SERPINB5: variants seen among roughly 807,000 people sequenced by gnomAD.
SERPINB5 encodes serpin family B member 5.
Under a neutral mutation model 32.2 loss-of-function variants are expected in SERPINB5, and 27 were observed. The observed-to-expected ratio is 0.84, with a 90% CI of 0.62 to 1.16. The LOEUF is 1.16. Ranked by LOEUF, SERPINB5 falls within the 50% of genes most tolerant of loss-of-function variation. The pLI is 0.00. For synonymous variants in SERPINB5, 154 were observed against 157.4 expected, an observed-to-expected ratio of 0.98 and a Z score of 0.16; for missense variants, 388 against 436.3, an observed-to-expected ratio of 0.89 and a Z score of 0.99.
intron 1 of SERPINB5, among the ~76,000 whole-genome samples, chr18:63,477,497 T>C (rs1010196913): frequency 1.3e-5 from 2 of 152,156 alleles, no homozygotes; most frequent in African/African-American, 4.8e-5. Flanking sequence ...GGCTGGCTCT[T>C]CTCCCTGGCT....
At chr18:63,489,071 A>T (rs1917258310) in intron 3 of SERPINB5, among the ~76,000 whole-genome samples, 2 of 152,240 alleles carry the variant, frequency 1.3e-5, no homozygotes, top group Non-Finnish European at 2.9e-5. Flanking sequence ...ACAACCCATA[A>T]GAGAATTGGG....
At chr18:63,491,482 A>AT (rs113151376) in intron 4 of SERPINB5, among the ~76,000 whole-genome samples, 31,220 of 139,452 alleles carry the variant, frequency 0.22, 6,666 homozygotes, top group African/African-American at 0.56. Context: ...TCTTTCTTTC[A>AT]TTTTTTTTTT....
intron 1 of SERPINB5, among the ~76,000 whole-genome samples, chr18:63,480,999 G>A (rs147187206): frequency 2.0e-5 from 3 of 152,300 alleles, no homozygotes; most frequent in Non-Finnish European, 4.4e-5. Flanking sequence ...ATGCACTGAG[G>A]ATTAGCATGC....
At chr18:63,494,745 C>T (rs1909414031) in intron 5 of SERPINB5, among the ~76,000 whole-genome samples, 1 of 152,174 alleles carries the variant, frequency 6.6e-6, no homozygotes, top group Admixed American at 6.5e-5. Flanking sequence ...TATTCATACT[C>T]TCCCCTGTCC....
intron 5 of SERPINB5, 187 bp downstream of exon 5, chr18:63,493,282 C>T (rs1280088319): frequency 7.1e-6 from 5 of 699,748 alleles, no homozygotes; most frequent in Middle Eastern, 3.6e-4. Context: ...GGCCCCCCCT[C>T]CTCTTTTCCA....
At chr18:63,495,632 A>C (rs757629439) in intron 5 of SERPINB5, among the ~76,000 whole-genome samples, 1 of 152,234 alleles carries the variant, frequency 6.6e-6, no homozygotes, top group Non-Finnish European at 1.5e-5. Flanking sequence ...TAAGGGTCGT[A>C]CTTTTTTCAT....
intron 4 of SERPINB5, 68 bp from the exon 5 acceptor site, chr18:63,492,884 TG>T (rs1321935757): frequency 6.4e-7 from 1 of 1,552,870 alleles, no homozygotes; most frequent in Non-Finnish European, 8.7e-7. Flanking sequence ...TCAGTGAATA[TG>T]CATGTGAATT....
intron 6 of SERPINB5, among the ~76,000 whole-genome samples, chr18:63,502,308 T>G (rs1316300612): frequency 1.3e-5 from 2 of 152,050 alleles, no homozygotes; most frequent in Non-Finnish European, 2.9e-5. Context: ...GCTAATTTTT[T>G]GTATTTTTAG....
intron 4 of SERPINB5, 133 bp from the exon 5 acceptor site, chr18:63,492,820 G>A: frequency 1.8e-6 from 2 of 1,103,344 alleles, no homozygotes; most frequent in Non-Finnish European, 1.3e-6. Flanking sequence ...TCTGAAATTT[G>A]ATGGTTGGAA....
In SERPINB5 at chr18:63,499,749, T is replaced by TA. The variant is rs1431309397; in HGVS notation, c.735+463dup. On this transcript the variant is annotated intron_variant, in intron 6 of 6. Transcript: ENST00000382771. ...CTAGGCAGTTAAGGCACTACGTTGC[T>TA]ACGCACTGCCAGGTCCACTATCATG... Among the ~76,000 whole-genome samples, 3 of 152,180 alleles carry TA rather than the reference T, an allele frequency of 2.0e-5. No homozygotes were observed. In the East Asian group the frequency reaches 5.8e-4, roughly 29 times the overall value.
At chr18:63,483,067 G>A (rs1917150931) in intron 1 of SERPINB5, among the ~76,000 whole-genome samples, 2 of 152,118 alleles carry the variant, frequency 1.3e-5, no homozygotes, top group Admixed American at 6.5e-5. Context: ...CCTCCTGAAA[G>A]GGTGTTAGGG....
intron 5 of SERPINB5, among the ~76,000 whole-genome samples, chr18:63,494,955 A>G (rs1328045849): frequency 1.3e-5 from 2 of 152,240 alleles, no homozygotes; most frequent in Non-Finnish European, 2.9e-5. Context: ...TTGCTTAAAC[A>G]ATCAATAGCA....
rs1045067685 is a variant in SERPINB5 at position 63,504,940 on chromosome 18, A to T, written c.*1218A>T. ...TTGCAGGTTCATGGATTACTTCTCTATAAAAAATATGTATTTACCAAAAAT... is the reference window on the plus strand; with the variant it reads ...TTGCAGGTTCATGGATTACTTCTCTTTAAAAAATATGTATTTACCAAAAAT... On this transcript the variant is annotated 3_prime_UTR_variant, in exon 7 of 7. Transcript: ENST00000382771. 1 of 122,374 alleles carries T rather than the reference A, an allele frequency of 8.2e-6. No homozygotes were observed. Among genetic ancestry groups the T allele is most frequent in the East Asian group, 2.2e-4 (1 of 4,494 alleles). 7.6% of individuals were successfully genotyped at this position (122,374 alleles called of 1,614,324 possible). A position where few individuals can be genotyped will look rare whatever the true frequency, so the allele number is the denominator to read the frequency against.
At chr18:63,502,850 C>T (rs1418703347) in intron 6 of SERPINB5, among the ~76,000 whole-genome samples, 1 of 152,042 alleles carries the variant, frequency 6.6e-6, no homozygotes. Flanking sequence ...GAAACCCTGT[C>T]TCTACTACAA....
chr18:63,477,978 C>T (rs901593422), intron 1 of SERPINB5, among the ~76,000 whole-genome samples: 3 of 152,158 alleles, frequency 2.0e-5, no homozygotes, highest in Admixed American at 6.5e-5. Flanking sequence ...GGGATGTTTC[C>T]ACAACACCGT....
chr18:63,497,922 G>T (rs527374250), intron 5 of SERPINB5, among the ~76,000 whole-genome samples: 14 of 152,118 alleles, frequency 9.2e-5, no homozygotes, highest in Non-Finnish European at 1.9e-4. Flanking sequence ...TGTCACATTT[G>T]GGACTAAAAA....
chr18:63,497,181 C>T (rs1909464896), intron 5 of SERPINB5: 2 of 670,672 alleles, frequency 3.0e-6, no homozygotes, highest in Non-Finnish European at 5.6e-6. Flanking sequence ...GGGACATTGA[C>T]ACCGCAGCCA....
chr18:63,496,025 A>G (rs1474021554), intron 5 of SERPINB5, among the ~76,000 whole-genome samples: 2 of 152,166 alleles, frequency 1.3e-5, no homozygotes, highest in Admixed American at 6.5e-5. Flanking sequence ...TTAGTATAGT[A>G]CTTATTCTGA....
Position 63,504,207 on chromosome 18 carries a change from C to T in SERPINB5, c.*485C>T, listed in dbSNP as rs1599396252. On this transcript the variant is annotated 3_prime_UTR_variant, in exon 7 of 7. Transcript: ENST00000382771. Reference sequence around the variant, plus strand: ...CTCCAGTGAAACTTGGGCACATGCTCAGGCTACTATAGGTCCAGAAGTCCT... The same window carrying T: ...CTCCAGTGAAACTTGGGCACATGCTTAGGCTACTATAGGTCCAGAAGTCCT... 6.0e-6 allele frequency: 1 copy of T among 165,818 alleles called. No homozygotes were observed. The highest frequency in any genetic ancestry group is 1.3e-5 in the Non-Finnish European group (1 of 77,924). 10.3% of individuals were successfully genotyped at this position (165,818 alleles called of 1,614,324 possible).
Sources: gnomAD v4.1 joint callset for allele counts (sites outside exome capture counted in the v4.1 genomes callset) on GRCh38, gnomAD v4.1.1 for gene constraint, MANE v1.5 for transcripts, NCBI Gene and HGNC (gene_info 2026-07-23, HGNC 2026-07-21) for gene names.